NF2: variants seen among roughly 807,000 people sequenced by gnomAD.
NF2 encodes NF2, moesin-ezrin-radixin like (MERLIN) tumor suppressor.
A neutral mutation model predicts 83.7 loss-of-function variants in NF2; 8 were observed. The ratio of observed to expected loss-of-function variants is 0.10; its 90% CI spans 0.06 to 0.17. The LOEUF (loss-of-function observed/expected upper bound fraction) is 0.17. NF2 is among the 10% of genes least tolerant of loss of function. NF2 has a pLI of 1.00. For missense variants in NF2, 533 were observed against 744.4 expected, an observed-to-expected ratio of 0.72 and a Z score of 3.31; for synonymous variants, 266 against 269.6, an observed-to-expected ratio of 0.99 and a Z score of 0.13.
At position 29,694,781 on chromosome 22, in the gene NF2, G is replaced by A. The variant is rs754168138; in HGVS notation, c.1767G>A (p.Val589=). Residue 589 remains valine, a synonymous_variant, in exon 16 of 16, where the codon GTG becomes GTA. Coordinates refer to ENST00000338641, the MANE Select transcript of NF2 (RefSeq NM_000268.4). The surrounding 1 kb of genome is among the most constrained non-coding windows in gnomAD (Gnocchi z 4.1). The stretch of plus-strand genomic sequence containing the variant: ...CCTTGCAGAGCGCCAAGTCCCGAGT[G>A]GCCTTCTTTGAAGAGCTCTAGCAGG... ...KLTLQSAKSR[V]AFFEEL 2 of 1,613,674 alleles carry A rather than the reference G, an allele frequency of 1.2e-6. No individual in the cohort carries two copies. The highest frequency in any genetic ancestry group is 4.5e-5 in the East Asian group (2 of 44,860).
At chr22:29,655,781 T>G (rs2066287799) in intron 6 of NF2, 105 bp downstream of exon 6, 5 of 893,136 alleles carry the variant, frequency 5.6e-6, no homozygotes, top group Admixed American at 4.9e-5. Context: ...CAAAATGCAG[T>G]ACTGAAGTCT....
rs1167443257 is a variant in NF2 at position 29,695,647 on chromosome 22, ACT to A, written c.*846_*847del. 1 of 233,656 alleles carries A rather than the reference ACT, an allele frequency of 4.3e-6. No homozygotes were observed. The highest frequency in any genetic ancestry group is 2.2e-5 in the African/African-American group (1 of 45,312). The allele number at this position is 233,656 out of a possible 1,614,324, so 14.5% of individuals were successfully genotyped here. The stretch of plus-strand genomic sequence containing the variant: ...TGGGGCTGGGGTACTCCCTGGTCGT[ACT>A]GCAGTCAGCACCCGTAACCCGGCTA... On this transcript the variant is annotated 3_prime_UTR_variant, in exon 16 of 16. Coordinates refer to ENST00000338641, the MANE Select transcript of NF2 (RefSeq NM_000268.4). This position sits in a 1 kb window ranked among gnomAD's most constrained non-coding sequence, Gnocchi z 5.4.
chr22:29,606,261 G>A (rs1339256068), intron 1 of NF2, among the ~76,000 whole-genome samples: 1 of 152,162 alleles, frequency 6.6e-6, no homozygotes, highest in East Asian at 1.9e-4. Flanking sequence ...GCGAAAAGTT[G>A]GAGCTCCCTT....
chr22:29,605,873 G>C (rs1294172872), intron 1 of NF2, among the ~76,000 whole-genome samples: 3 of 152,182 alleles, frequency 2.0e-5, no homozygotes, highest in Non-Finnish European at 4.4e-5. Context: ...AGGAAAAGCA[G>C]GACATCAGCA....
chr22:29,645,727 G>C (rs1004831771), intron 4 of NF2, among the ~76,000 whole-genome samples: 1 of 151,950 alleles, frequency 6.6e-6, no homozygotes. Context: ...ATGGATTTTT[G>C]GGCCACAAAT....
intron 8 of NF2, among the ~76,000 whole-genome samples, chr22:29,663,234 G>A (rs1394527445): frequency 6.6e-6 from 1 of 152,170 alleles, no homozygotes; most frequent in Non-Finnish European, 1.5e-5. Flanking sequence ...CATAAAGTCT[G>A]TTTATTGCAC....
intron 14 of NF2, among the ~76,000 whole-genome samples, chr22:29,678,542 T>A (rs1445186578): frequency 6.6e-6 from 1 of 152,134 alleles, no homozygotes; most frequent in African/African-American, 2.4e-5. Flanking sequence ...ATAACAATTT[T>A]TATCCAGGAT....
intron 10 of NF2, 42 bp from the exon 11 acceptor site, chr22:29,671,784 G>C (rs995411789): frequency 1.2e-6 from 2 of 1,612,378 alleles, no homozygotes; most frequent in Non-Finnish European, 1.7e-6. Flanking sequence ...CCTAGGTCTC[G>C]AGCCCTGTGA....
intron 9 of NF2, 27 bp from the exon 10 acceptor site, chr22:29,668,306 C>A (rs761564423): frequency 6.4e-7 from 1 of 1,570,668 alleles, no homozygotes; most frequent in Non-Finnish European, 8.8e-7. Flanking sequence ...TGGATATTAA[C>A]CTTTTTGTCT....
intron 4 of NF2, among the ~76,000 whole-genome samples, chr22:29,646,098 A>G (rs1057234802): frequency 6.6e-6 from 1 of 152,230 alleles, no homozygotes; most frequent in Non-Finnish European, 1.5e-5. Context: ...TACCAAAGCA[A>G]TACAAATGAA....
At position 29,636,279 on chromosome 22, in the gene NF2, T is replaced by C. The variant is rs1280226575; in HGVS notation, c.115-472T>C. ...TGACTTTGATTATGATTTCTTTATA[T>C]TAAAAAAAAACTTGTAGTAAAACCA... On this transcript the variant is annotated intron_variant, in intron 1 of 15. Coordinates refer to ENST00000338641, the MANE Select transcript of NF2 (RefSeq NM_000268.4). This position sits in a 1 kb window ranked among gnomAD's most constrained non-coding sequence, Gnocchi z 4.4. 6.6e-6 allele frequency among the ~76,000 whole-genome samples: 1 copy of C among 151,878 alleles called. No homozygotes were observed. The highest frequency in any genetic ancestry group is 2.4e-5 in the African/African-American group (1 of 41,262).
At chr22:29,683,768 C>T in intron 15 of NF2, 1 of 1,064,102 alleles carries the variant, frequency 9.4e-7, no homozygotes, top group Non-Finnish European at 1.1e-6. Context: ...ACACTCACGG[C>T]ACCCTGGAGA....
At chr22:29,611,034 G>A (rs780515340) in intron 1 of NF2, among the ~76,000 whole-genome samples, 1 of 152,114 alleles carries the variant, frequency 6.6e-6, no homozygotes, top group African/African-American at 2.4e-5. Context: ...ATGAATTAGT[G>A]TAAATAATGT....
At chr22:29,652,611 T>C (rs1389854361) in intron 4 of NF2, among the ~76,000 whole-genome samples, 3 of 152,156 alleles carry the variant, frequency 2.0e-5, no homozygotes, top group African/African-American at 7.2e-5. Flanking sequence ...CCAAGCATAG[T>C]TTTAAAAACT....
intron 11 of NF2, 43 bp from the exon 12 acceptor site, chr22:29,673,226 C>T (rs2066856649): frequency 1.3e-6 from 2 of 1,544,298 alleles, no homozygotes; most frequent in South Asian, 2.4e-5. Flanking sequence ...GGCGGGAGAA[C>T]AGCACATGAT....
intron 1 of NF2, among the ~76,000 whole-genome samples, chr22:29,628,495 G>T (rs2065426604): frequency 6.6e-6 from 1 of 151,854 alleles, no homozygotes; most frequent in Non-Finnish European, 1.5e-5. Flanking sequence ...AATAGATTTG[G>T]CATAATAACA....
chr22:29,658,161 A>G (rs371638311), intron 6 of NF2, 28 bp from the exon 7 acceptor site: 9 of 1,610,570 alleles, frequency 5.6e-6, no homozygotes, highest in East Asian at 2.2e-5. Context: ...CTTAGCTCCA[A>G]TGACAGTGTC....
chr22:29,644,500 C>T (rs1218207277), intron 4 of NF2, among the ~76,000 whole-genome samples: 2 of 151,822 alleles, frequency 1.3e-5, no homozygotes, highest in Non-Finnish European at 2.9e-5. Flanking sequence ...AGAGACGCTC[C>T]TCACTTCCCA....
intron 1 of NF2, among the ~76,000 whole-genome samples, chr22:29,609,727 G>C (rs1212773915): frequency 6.6e-6 from 1 of 152,170 alleles, no homozygotes; most frequent in African/African-American, 2.4e-5. Context: ...GTGAGATACT[G>C]TTTTTATTGA....
Sources: allele counts gnomAD v4.1 joint callset (sites outside exome capture counted in the v4.1 genomes callset), GRCh38; gene constraint gnomAD v4.1.1; non-coding constraint Gnocchi (gnomAD v3.1); transcripts MANE v1.5; gene names NCBI Gene and HGNC (gene_info 2026-07-23, HGNC 2026-07-21).